ERVV-1: variants seen among roughly 807,000 people sequenced by gnomAD.
ERVV-1 encodes the protein endogenous retrovirus group V member 1 Env polyprotein.
For missense variants in ERVV-1, 150 were observed against 456.5 expected (o/e 0.33, Z 6.12); for synonymous variants, 59 against 170.2 (o/e 0.35, Z 5.09).
In ERVV-1 at chr19:53,014,867, G is replaced by T. The variant is rs1702603540; in HGVS notation, c.777G>T (p.Gly259=). 1 of 1,535,296 alleles carries T rather than the reference G, an allele frequency of 6.5e-7. No homozygotes were observed. The highest frequency in any genetic ancestry group is 1.4e-5 in the African/African-American group (1 of 72,772). The change falls in exon 1 of 1, where the codon GGG becomes GGT. Residue 259 remains glycine, a synonymous_variant. Coordinates refer to ENST00000602168, the MANE Select transcript of ERVV-1 (RefSeq NM_152473.3). ...CTPPGYVFLC[G]PQKNKLPFDG... is the part of the protein sequence containing the mutation. ...CTCCTGGCTATGTATTTTTATGTGGGCCACAAAAAAATAAACTGCCCTTTG... is the reference window on the plus strand; with the variant it reads ...CTCCTGGCTATGTATTTTTATGTGGTCCACAAAAAAATAAACTGCCCTTTG...
At position 53,015,656 on chromosome 19, in the gene ERVV-1, G is replaced by A. The variant is rs2083785146; in HGVS notation, c.*132G>A. 3.5e-6 allele frequency: 2 copies of A among 573,920 alleles called. No individual in the cohort carries two copies. Among genetic ancestry groups the A allele is most frequent in the South Asian group, 4.8e-5 (2 of 42,066 alleles). 35.6% of individuals were successfully genotyped at this position (573,920 alleles called of 1,614,324 possible). Reference sequence around the variant, plus strand: ...TACATATCTCCCTTGGATGCCAGTGGGCAAAGATTCTGCAACTACGGAGGG... The same window carrying A: ...TACATATCTCCCTTGGATGCCAGTGAGCAAAGATTCTGCAACTACGGAGGG... On this transcript the variant is annotated 3_prime_UTR_variant, in exon 1 of 1. Transcript: ENST00000602168.
chr19:53,015,375 T>C lies in ERVV-1; in HGVS notation c.1285T>C (p.Trp429Arg), dbSNP rs747628343. ...AAAAAAGATCTATGATGAGGTTACG[T>C]GGCTCCATAACTTTGGAAAAGGTGA... is the stretch of plus-strand genomic sequence containing the variant. ...DIKKIYDEVT[W>R]LHNFGKGDSA... is the part of the protein sequence containing the mutation. The change falls in exon 1 of 1, where the codon TGG becomes CGG. Residue 429 changes from tryptophan to arginine, a missense_variant. Transcript: ENST00000602168. 3 of 703,932 alleles carry C rather than the reference T, an allele frequency of 4.3e-6. No individual in the cohort carries two copies. The highest frequency in any genetic ancestry group is 3.0e-5 in the South Asian group (2 of 67,600). 43.6% of individuals were successfully genotyped at this position (703,932 alleles called of 1,614,324 possible). A position where few individuals can be genotyped will look rare whatever the true frequency, so the allele number is the denominator to read the frequency against.
In ERVV-1 at chr19:53,014,551, C is replaced by G; in HGVS notation, c.461C>G (p.Ser154Cys). 2 of 1,435,336 alleles carry G rather than the reference C, an allele frequency of 1.4e-6. No individual in the cohort carries two copies. The allele number at this position is 1,435,336 out of a possible 1,614,324, so 88.9% of individuals were successfully genotyped here. A position where few individuals can be genotyped will look rare whatever the true frequency, so the allele number is the denominator to read the frequency against. ...CCCACCATCCATCCCATGAGCTTCTCCCCAGCAGGCTGCCACCCTAACTTG... is the reference window on the plus strand; with the variant it reads ...CCCACCATCCATCCCATGAGCTTCTGCCCAGCAGGCTGCCACCCTAACTTG... ...PSPTIHPMSF[S>C]PAGCHPNLTH... Residue 154 changes from serine to cysteine, a missense_variant, in exon 1 of 1, where the codon TCC becomes TGC. Coordinates refer to ENST00000602168, the MANE Select transcript of ERVV-1 (RefSeq NM_152473.3).
rs1239020098 is a variant in ERVV-1, at chr19:53,015,118, C to T, written c.1028C>T (p.Thr343Ile). The T allele has an allele frequency of 3.3e-6, 3 of 920,148 alleles. No individual in the cohort carries two copies. In the East Asian group the frequency reaches 7.9e-5, roughly 24 times the overall value. 57.0% of individuals were successfully genotyped at this position (920,148 alleles called of 1,614,324 possible). Reference sequence around the variant, plus strand: ...ATGATCGCCCCATGGGGAGGGTTCACTTATCATGATGTCACCCTCAGAAAT... The same window carrying T: ...ATGATCGCCCCATGGGGAGGGTTCATTTATCATGATGTCACCCTCAGAAAT... ...IGMIAPWGGF[T>I]YHDVTLRNLS... Residue 343 changes from threonine to isoleucine, a missense_variant, in exon 1 of 1, where the codon ACT (threonine) becomes ATT (isoleucine). Thr to Ile is a moderately conservative substitution (Grantham distance 89). Transcript: ENST00000602168.
In ERVV-1 at chr19:53,015,707, G is replaced by C. The variant is rs1218195631; in HGVS notation, c.*183G>C. The C allele has an allele frequency of 1.8e-6, 1 of 548,690 alleles. No individual in the cohort carries two copies. The highest frequency in any genetic ancestry group is 3.2e-6 in the Non-Finnish European group (1 of 315,002). 34.0% of individuals were successfully genotyped at this position (548,690 alleles called of 1,614,324 possible). ...GCTCCTTCCCTGACAGAGAGCAAGA[G>C]AGGGAGACCCTGATGACTTCTTCGT... On this transcript the variant is annotated 3_prime_UTR_variant, in exon 1 of 1. Transcript: ENST00000602168.
In ERVV-1 at chr19:53,014,083, A is replaced by C; in HGVS notation, c.-8A>C. 8.6e-7 allele frequency: 1 copy of C among 1,169,024 alleles called. No individual in the cohort carries two copies. Among genetic ancestry groups the C allele is most frequent in the East Asian group, 2.6e-5 (1 of 38,946 alleles). 72.4% of individuals were successfully genotyped at this position (1,169,024 alleles called of 1,614,324 possible). A position where few individuals can be genotyped will look rare whatever the true frequency, so the allele number is the denominator to read the frequency against. On this transcript the variant is annotated 5_prime_UTR_variant, in exon 1 of 1. Coordinates refer to ENST00000602168, the MANE Select transcript of ERVV-1 (RefSeq NM_152473.3). ...TTTGCTTTCACAAAGCTTAAGGGAG[A>C]ATCAGCTATGACAGAGAAATTCCTT...
chr19:53,015,233 C>A lies in ERVV-1; in HGVS notation c.1143C>A (p.Val381=), dbSNP rs1005644672. ...CCATAGATTCTCTAGCAAATGTAGT[C>A]ATGAACAACAGATTGGCCTTAGATT... is the stretch of plus-strand genomic sequence containing the variant. ...KASIDSLANV[V]MNNRLALDYL... is the part of the protein sequence containing the mutation. The change falls in exon 1 of 1, where the codon GTC becomes GTA. Residue 381 remains valine, a synonymous_variant. Coordinates refer to ENST00000602168, the MANE Select transcript of ERVV-1 (RefSeq NM_152473.3). 2 of 784,922 alleles carry A rather than the reference C, an allele frequency of 2.5e-6. No homozygotes were observed. The highest frequency in any genetic ancestry group is 1.7e-5 in the African/African-American group (1 of 58,062). The allele number at this position is 784,922 out of a possible 1,614,324, so 48.6% of individuals were successfully genotyped here.
Position 53,015,641 on chromosome 19 carries a change from C to A in ERVV-1, c.*117C>A, listed in dbSNP as rs531589999. On this transcript the variant is annotated 3_prime_UTR_variant, in exon 1 of 1. Coordinates refer to ENST00000602168, the MANE Select transcript of ERVV-1 (RefSeq NM_152473.3). Reference sequence around the variant, plus strand: ...CCCAGCACCTACAAGTACATATCTCCCTTGGATGCCAGTGGGCAAAGATTC... The same window carrying A: ...CCCAGCACCTACAAGTACATATCTCACTTGGATGCCAGTGGGCAAAGATTC... 39 of 583,326 alleles carry A rather than the reference C, an allele frequency of 6.7e-5. No homozygotes were observed. In the South Asian group the frequency reaches 8.8e-4, roughly 13 times the overall value. 36.1% of individuals were successfully genotyped at this position (583,326 alleles called of 1,614,324 possible).
At position 53,015,361 on chromosome 19, in the gene ERVV-1, A is replaced by G. The variant is rs1277407582; in HGVS notation, c.1271A>G (p.Tyr424Cys). The G allele has an allele frequency of 2.8e-6, 2 of 704,472 alleles. No homozygotes were observed. Among genetic ancestry groups the G allele is most frequent in the Admixed American group, 4.0e-5 (2 of 50,008 alleles). 43.6% of individuals were successfully genotyped at this position (704,472 alleles called of 1,614,324 possible). Residue 424 changes from tyrosine (Y) to cysteine (C), a missense_variant, in exon 1 of 1, where the codon TAT becomes TGT. By Grantham distance (194) the Tyr-to-Cys change is radical. Coordinates refer to ENST00000602168, the MANE Select transcript of ERVV-1 (RefSeq NM_152473.3). ...GAIEEDIKKI[Y>C]DEVTWLHNFG... ...ATAGAGGAGGATATAAAAAAGATCT[A>G]TGATGAGGTTACGTGGCTCCATAAC...
Position 53,015,558 on chromosome 19 carries a change from G to GCAATTTCA in ERVV-1, c.*37_*44dup, listed in dbSNP as rs1262464758. The GCAATTTCA allele has an allele frequency of 3.2e-6, 2 of 615,980 alleles. No homozygotes were observed. The highest frequency in any genetic ancestry group is 1.9e-5 in the African/African-American group (1 of 54,030). The allele number at this position is 615,980 out of a possible 1,614,324, so 38.2% of individuals were successfully genotyped here. On this transcript the variant is annotated 3_prime_UTR_variant, in exon 1 of 1. Coordinates refer to ENST00000602168, the MANE Select transcript of ERVV-1 (RefSeq NM_152473.3). ...TTAAATATGTCTCTTCCAGGATATGGCAATTTCACACAGAGCCCCTAAAAA... is the reference window on the plus strand; with the variant it reads ...TTAAATATGTCTCTTCCAGGATATGGCAATTTCACAATTTCACACAGAGCCCCTAAAAA...
rs1218532991 is a variant in ERVV-1, at chr19:53,014,707, T to C, written c.617T>C (p.Val206Ala). ...VLYLLPKAHTVPTWPKSTVPL... is the reference protein window; with the variant it reads ...VLYLLPKAHTAPTWPKSTVPL... ...TATTTGCTTCCCAAGGCACACACTG[T>C]CCCCACATGGCCAAAATCTACTGTT... is the stretch of plus-strand genomic sequence containing the variant. Residue 206 changes from valine (V) to alanine (A), a missense_variant, in exon 1 of 1, where the codon GTC (valine) becomes GCC (alanine). Coordinates refer to ENST00000602168, the MANE Select transcript of ERVV-1 (RefSeq NM_152473.3). 1 of 1,531,214 alleles carries C rather than the reference T, an allele frequency of 6.5e-7. No individual in the cohort carries two copies. The highest frequency in any genetic ancestry group is 2.4e-5 in the East Asian group (1 of 40,866). The allele number at this position is 1,531,214 out of a possible 1,614,324, so 94.9% of individuals were successfully genotyped here.
chr19:53,015,669 C>G lies in ERVV-1; in HGVS notation c.*145C>G, dbSNP rs565211144. ...TGGATGCCAGTGGGCAAAGATTCTGCAACTACGGAGGGGCTCCTTCCCTGA... is the reference window on the plus strand; with the variant it reads ...TGGATGCCAGTGGGCAAAGATTCTGGAACTACGGAGGGGCTCCTTCCCTGA... On this transcript the variant is annotated 3_prime_UTR_variant, in exon 1 of 1. Transcript: ENST00000602168. The G allele has an allele frequency of 3.2e-4, 184 of 573,196 alleles. 3 individuals carry two copies. In the African/African-American group the frequency reaches 3.3e-3, roughly 10 times the overall value. 35.5% of individuals were successfully genotyped at this position (573,196 alleles called of 1,614,324 possible).
In ERVV-1 at chr19:53,014,670, T is replaced by C; in HGVS notation, c.580T>C (p.Trp194Arg). ...TTGGGAAGGAAAAGAGCTAATCACATGGAGGGTTCTATATTTGCTTCCCAA... is the reference window on the plus strand; with the variant it reads ...TTGGGAAGGAAAAGAGCTAATCACACGGAGGGTTCTATATTTGCTTCCCAA... ...AAWEGKELIT[W>R]RVLYLLPKAH... Residue 194 changes from tryptophan (W) to arginine (R), a missense_variant, in exon 1 of 1, where the codon TGG becomes CGG. Coordinates refer to ENST00000602168, the MANE Select transcript of ERVV-1 (RefSeq NM_152473.3). 1 of 1,530,126 alleles carries C rather than the reference T, an allele frequency of 6.5e-7. No individual in the cohort carries two copies. Among genetic ancestry groups the C allele is most frequent in the Non-Finnish European group, 8.7e-7 (1 of 1,146,690 alleles). The allele number at this position is 1,530,126 out of a possible 1,614,324, so 94.8% of individuals were successfully genotyped here.
Position 53,015,672 on chromosome 19 carries a change from C to G in ERVV-1, c.*148C>G, listed in dbSNP as rs1298766489. 2 of 572,870 alleles carry G rather than the reference C, an allele frequency of 3.5e-6. No homozygotes were observed. Among genetic ancestry groups the G allele is most frequent in the African/African-American group, 3.8e-5 (2 of 52,790 alleles). The allele number at this position is 572,870 out of a possible 1,614,324, so 35.5% of individuals were successfully genotyped here. ...ATGCCAGTGGGCAAAGATTCTGCAA[C>G]TACGGAGGGGCTCCTTCCCTGACAG... On this transcript the variant is annotated 3_prime_UTR_variant, in exon 1 of 1. Coordinates refer to ENST00000602168, the MANE Select transcript of ERVV-1 (RefSeq NM_152473.3).
In ERVV-1 at chr19:53,015,839, G is replaced by A. The variant is rs1208397085; in HGVS notation, c.*315G>A. 1 of 251,930 alleles carries A rather than the reference G, an allele frequency of 4.0e-6. No individual in the cohort carries two copies. Among genetic ancestry groups the A allele is most frequent in the Non-Finnish European group, 7.3e-6 (1 of 136,468 alleles). The allele number at this position is 251,930 out of a possible 1,614,324, so 15.6% of individuals were successfully genotyped here. On this transcript the variant is annotated 3_prime_UTR_variant, in exon 1 of 1. Transcript: ENST00000602168. ...GGAATACTGTTAGGGTAGGCAGGTA[G>A]CCAGACAAGAGCAGGCAAGGAAGCC...
rs1364327598 is a variant in ERVV-1, at chr19:53,015,974, G to GTGGC, written c.*453_*456dup. On this transcript the variant is annotated 3_prime_UTR_variant, in exon 1 of 1. Coordinates refer to ENST00000602168, the MANE Select transcript of ERVV-1 (RefSeq NM_152473.3). ...GGCTACACTGGCTACACCTGGCCTT[G>GTGGC]TGGCTGCATTCCTCTGTTCCAGAAG... 1 of 160,972 alleles carries GTGGC rather than the reference G, an allele frequency of 6.2e-6. No homozygotes were observed. The highest frequency in any genetic ancestry group is 1.9e-4 in the East Asian group (1 of 5,290). 10.0% of individuals were successfully genotyped at this position (160,972 alleles called of 1,614,324 possible).
At position 53,015,587 on chromosome 19, in the gene ERVV-1, A is replaced by G; in HGVS notation, c.*63A>G. ...TTTCACACAGAGCCCCTAAAAATGG[A>G]AAGAGATCATCCAATCTTCCTTGGA... On this transcript the variant is annotated 3_prime_UTR_variant, in exon 1 of 1. Transcript: ENST00000602168. 1.6e-6 allele frequency: 1 copy of G among 611,206 alleles called. No individual in the cohort carries two copies. Among genetic ancestry groups the G allele is most frequent in the Non-Finnish European group, 2.9e-6 (1 of 343,916 alleles). The allele number at this position is 611,206 out of a possible 1,614,324, so 37.9% of individuals were successfully genotyped here. A position where few individuals can be genotyped will look rare whatever the true frequency, so the allele number is the denominator to read the frequency against.
At position 53,015,692 on chromosome 19, in the gene ERVV-1, T is replaced by C; in HGVS notation, c.*168T>C. 3.5e-6 allele frequency: 2 copies of C among 565,278 alleles called. No individual in the cohort carries two copies. The highest frequency in any genetic ancestry group is 1.9e-5 in the African/African-American group (1 of 52,696). 35.0% of individuals were successfully genotyped at this position (565,278 alleles called of 1,614,324 possible). On this transcript the variant is annotated 3_prime_UTR_variant, in exon 1 of 1. Coordinates refer to ENST00000602168, the MANE Select transcript of ERVV-1 (RefSeq NM_152473.3). ...TGCAACTACGGAGGGGCTCCTTCCCTGACAGAGAGCAAGAGAGGGAGACCC... is the reference window on the plus strand; with the variant it reads ...TGCAACTACGGAGGGGCTCCTTCCCCGACAGAGAGCAAGAGAGGGAGACCC...
Position 53,015,849 on chromosome 19 carries a change from A to G in ERVV-1, c.*325A>G, listed in dbSNP as rs909892660. 7.6e-5 allele frequency: 18 copies of G among 237,296 alleles called. No individual in the cohort carries two copies. Among genetic ancestry groups the G allele is most frequent in the African/African-American group, 3.4e-4 (15 of 43,830 alleles). The allele number at this position is 237,296 out of a possible 1,614,324, so 14.7% of individuals were successfully genotyped here. ...TAGGGTAGGCAGGTAGCCAGACAAG[A>G]GCAGGCAAGGAAGCCCCTGGGAAAG... On this transcript the variant is annotated 3_prime_UTR_variant, in exon 1 of 1. Coordinates refer to ENST00000602168, the MANE Select transcript of ERVV-1 (RefSeq NM_152473.3).
Sources: gnomAD v4.1 joint callset for allele counts on GRCh38, gnomAD v4.1.1 for gene constraint, MANE v1.5 for transcripts, NCBI Gene and HGNC (gene_info 2026-07-23, HGNC 2026-07-21) for gene names.